Variants in TPM4 observed in about 807,000 individuals in gnomAD.
TPM4 encodes the protein tropomyosin 4.
A neutral mutation model predicts 35.8 loss-of-function variants in TPM4; 17 were observed. The ratio of observed to expected loss-of-function variants is 0.47; its 90% CI spans 0.32 to 0.71. The LOEUF (loss-of-function observed/expected upper bound fraction) is 0.71. Among genes scored for constraint, TPM4 ranks in the 30% least tolerant of loss-of-function variants. TPM4 has a pLI of 0.03. For missense variants in TPM4, 240 were observed against 320.9 expected, an observed-to-expected ratio of 0.75 and a Z score of 1.93; for synonymous variants, 120 against 122.9, an observed-to-expected ratio of 0.98 and a Z score of 0.15.
chr19:16,089,157 G>C (rs757580329), intron 5 of TPM4, 37 bp downstream of exon 5: 1 of 1,611,812 alleles, frequency 6.2e-7, no homozygotes, highest in South Asian at 1.1e-5. Flanking sequence ...TGGCTTGCTG[G>C]ACTTTGTTCT....
intron 7 of TPM4, among the ~76,000 whole-genome samples, chr19:16,095,059 C>T (rs1248411144): frequency 6.6e-6 from 1 of 152,286 alleles, no homozygotes; most frequent in Admixed American, 6.5e-5. Context: ...CCCTGCAGAA[C>T]CTCAAACCAC....
At position 16,070,030 on chromosome 19, in the gene TPM4, G is replaced by A. The variant is rs1248528183; in HGVS notation, c.114+2292G>A. Among the ~76,000 whole-genome samples, 1 of 152,060 alleles carries A rather than the reference G, an allele frequency of 6.6e-6. No homozygotes were observed. The highest frequency in any genetic ancestry group is 1.5e-5 in the Non-Finnish European group (1 of 68,002). ...TGGTGGGGGCCCAGGGCTGTGACCT[G>A]CTGCAGGGGTGACTGGGTGGGGTCT... On this transcript the variant is annotated intron_variant, in intron 2 of 2. Transcript: ENST00000589897. The surrounding 1 kb of genome is among the most constrained non-coding windows in gnomAD (Gnocchi z 7.4).
chr19:16,093,761 G>T lies in TPM4; in HGVS notation c.664+8G>T, dbSNP rs753919324. ...CAATTGATGACCTGGAAGGTATGAG[G>T]TTACCATCTAAATGTTTGCCTTGCC... is the stretch of plus-strand genomic sequence containing the variant. On this transcript the variant is annotated splice_region_variant and intron_variant, in intron 7 of 7. Transcript: ENST00000643579. 7 of 1,612,902 alleles carry T rather than the reference G, an allele frequency of 4.3e-6. No homozygotes were observed. The highest frequency in any genetic ancestry group is 1.3e-5 in the African/African-American group (1 of 74,850).
intron 7 of TPM4, chr19:16,099,638 T>C (rs1177354144): frequency 6.6e-6 from 1 of 152,100 alleles, no homozygotes; most frequent in East Asian, 1.9e-4. Flanking sequence ...TTTCTTTCTG[T>C]AAATTTCCAG....
intron 4 of TPM4, chr19:16,088,595 C>T: frequency 9.6e-7 from 1 of 1,038,522 alleles, no homozygotes; most frequent in Non-Finnish European, 1.2e-6. Context: ...AGGAATTCAG[C>T]CCCACAGAGC....
rs370683629 is a variant in TPM4 at position 16,087,984 on chromosome 19, G to A, written c.385-43G>A. 6 of 1,583,748 alleles carry A rather than the reference G, an allele frequency of 3.8e-6. No homozygotes were observed. In the African/African-American group the frequency reaches 8.0e-5, roughly 21 times the overall value. ...TCTGCAGTGGATGGGAGAGGACACG[G>A]CTGGTGGGGATCGGGCTCAGCTGGG... On this transcript the variant is annotated intron_variant, in intron 3 of 7. Transcript: ENST00000643579.
chr19:16,073,360 G>A (rs1433717316), upstream of TPM4, among the ~76,000 whole-genome samples: 1 of 152,190 alleles, frequency 6.6e-6, no homozygotes, highest in African/African-American at 2.4e-5. Context: ...GGATGCTGTA[G>A]GTCAGGGTTG....
At chr19:16,069,616 C>CTG (rs530149229) in intron 2 of TPM4, among the ~76,000 whole-genome samples, 4 of 102,622 alleles carry the variant, frequency 3.9e-5, no homozygotes, top group African/African-American at 1.2e-4. Context: ...GTTTCTGTTG[C>CTG]TGTGTGTGTG....
rs940456844 is a variant in TPM4, at chr19:16,088,458, A to C, written c.455+361A>C. 27 of 1,075,094 alleles carry C rather than the reference A, an allele frequency of 2.5e-5. No homozygotes were observed. In the African/African-American group the frequency reaches 5.6e-4, roughly 22 times the overall value. 66.6% of individuals were successfully genotyped at this position (1,075,094 alleles called of 1,614,324 possible). The stretch of plus-strand genomic sequence containing the variant: ...CAGAAGGCAGGCTCCCCCGGTCAGT[A>C]TGTAAATGCTTTTGCTCCTGTCAGT... On this transcript the variant is annotated intron_variant, in intron 4 of 7. Transcript: ENST00000643579.
At chr19:16,068,692 T>C (rs1433929925) in intron 2 of TPM4, among the ~76,000 whole-genome samples, 5 of 152,230 alleles carry the variant, frequency 3.3e-5, no homozygotes, top group South Asian at 2.1e-4. Context: ...TGCGTGTATC[T>C]GTATGTGTTT....
At chr19:16,088,997 C>T (rs551884363) in intron 4 of TPM4, 48 bp from the exon 5 acceptor site, 8 of 1,611,742 alleles carry the variant, frequency 5.0e-6, no homozygotes, top group Middle Eastern at 1.7e-4. Flanking sequence ...GCTATTATTG[C>T]CGGCTGTAAG....
At chr19:16,068,174 G>A (rs1310640768) in intron 2 of TPM4, among the ~76,000 whole-genome samples, 4 of 135,796 alleles carry the variant, frequency 2.9e-5, no homozygotes, top group African/African-American at 7.1e-5. Flanking sequence ...GTGTGCGTGT[G>A]TGTGTGTGTG....
chr19:16,089,163 GTTCTT>G, intron 5 of TPM4, 43 bp downstream of exon 5: 1 of 1,611,190 alleles, frequency 6.2e-7, no homozygotes, highest in African/African-American at 1.3e-5. Context: ...GCTGGACTTT[GTTCTT>G]TTCTTCTCCC....
At chr19:16,078,483 C>G (rs574088346) in intron 1 of TPM4, among the ~76,000 whole-genome samples, 6 of 152,280 alleles carry the variant, frequency 3.9e-5, no homozygotes, top group African/African-American at 1.4e-4. Flanking sequence ...GTTGAAGCCT[C>G]TAATCCTGTA....
At chr19:16,071,321 C>T (rs909171062) in intron 2 of TPM4, among the ~76,000 whole-genome samples, 10 of 152,176 alleles carry the variant, frequency 6.6e-5, no homozygotes, top group African/African-American at 2.4e-4. Context: ...CTCAGCCTCC[C>T]CAGTGGAGGT....
At chr19:16,088,118 G>C in intron 4 of TPM4, 21 bp downstream of exon 4, 2 of 1,604,660 alleles carry the variant, frequency 1.2e-6, no homozygotes, top group Non-Finnish European at 1.7e-6. Flanking sequence ...GAACAGGACT[G>C]AGCGAGGCTG....
intron 1 of TPM4, chr19:16,081,702 C>A (rs1247856775): frequency 2.9e-5 from 14 of 483,900 alleles, no homozygotes; most frequent in Non-Finnish European, 4.6e-5. Context: ...CGATGCTCAT[C>A]TTTTGCTATG....
At position 16,086,526 on chromosome 19, in the gene TPM4, C is replaced by T. The variant is rs768924606; in HGVS notation, c.370C>T (p.Arg124Cys). Residue 124 changes from arginine (R) to cysteine (C), a missense_variant, in exon 3 of 8, where the codon CGC becomes TGC. Transcript: ENST00000643579. ...EAKHIAEEAD[R>C]KYEEVARKLV... is the part of the protein sequence containing the mutation. The stretch of plus-strand genomic sequence containing the variant: ...CAAGCACATTGCGGAAGAGGCTGAC[C>T]GCAAATACGAGGAGGTGAGTGGGGC... 2.8e-5 allele frequency: 45 copies of T among 1,612,842 alleles called. No individual in the cohort carries two copies. The highest frequency in any genetic ancestry group is 3.5e-5 in the Non-Finnish European group (41 of 1,179,436).
chr19:16,090,308 A>T (rs573727153), intron 5 of TPM4, among the ~76,000 whole-genome samples: 2 of 147,746 alleles, frequency 1.4e-5, no homozygotes, highest in African/African-American at 5.0e-5. Context: ...TTTTTTATAG[A>T]GCACAGTCTA....
Sources: gnomAD v4.1 joint callset for allele counts (sites outside exome capture counted in the v4.1 genomes callset) on GRCh38, gnomAD v4.1.1 for gene constraint, Gnocchi (gnomAD v3.1) non-coding constraint, MANE v1.5 for transcripts, NCBI Gene and HGNC (gene_info 2026-07-23, HGNC 2026-07-21) for gene names.